The following GUCY1A2 variants were observed in gnomAD, a reference collection of about 807,000 sequenced individuals.
The protein encoded by GUCY1A2 is guanylate cyclase soluble subunit alpha-2.
In GUCY1A2, 27 loss-of-function variants were observed where a neutral mutation model predicts 63.5. The observed-to-expected ratio is 0.43, with a 90% CI of 0.31 to 0.59. GUCY1A2 has a LOEUF of 0.59. Among genes scored for constraint, GUCY1A2 ranks in the 20% least tolerant of loss-of-function variants. The probability of loss-of-function intolerance (pLI) is 0.11; values close to 1 mark genes in which losing one functional copy is unlikely to be tolerated. For missense variants in GUCY1A2, 768 were observed against 913.3 expected (o/e 0.84, Z 2.05); for synonymous variants, 364 against 343.5 (o/e 1.06, Z -0.66).
At chr11:106,993,670 G>GA (rs908700022) in intron 1 of GUCY1A2, among the ~76,000 whole-genome samples, 48 of 151,508 alleles carry the variant, frequency 3.2e-4, no homozygotes, top group African/African-American at 1.0e-3. Context: ...GTCCTCGGGG[G>GA]AAAAAAAAGC....
intron 4 of GUCY1A2, among the ~76,000 whole-genome samples, chr11:106,905,968 A>G (rs570402281): frequency 3.9e-5 from 6 of 152,260 alleles, no homozygotes; most frequent in African/African-American, 1.4e-4. Context: ...ACTTAAACGT[A>G]AGACCTAAAA....
chr11:106,901,516 T>G (rs760202458), intron 4 of GUCY1A2, among the ~76,000 whole-genome samples: 1 of 152,228 alleles, frequency 6.6e-6, no homozygotes, highest in Non-Finnish European at 1.5e-5. Context: ...AATTATACTT[T>G]AAGTTCTAGT....
chr11:106,828,944 C>T (rs1042871710), intron 4 of GUCY1A2, among the ~76,000 whole-genome samples: 3 of 152,164 alleles, frequency 2.0e-5, no homozygotes, highest in Admixed American at 6.5e-5. Context: ...CTCCAACATT[C>T]GTGAAAACAT....
At chr11:106,911,993 T>G (rs1237723405) in intron 4 of GUCY1A2, among the ~76,000 whole-genome samples, 1 of 152,078 alleles carries the variant, frequency 6.6e-6, no homozygotes, top group Non-Finnish European at 1.5e-5. Context: ...ATATGTTTAT[T>G]GCTAATAATT....
At chr11:106,934,685 A>G (rs1442130392) in intron 4 of GUCY1A2, among the ~76,000 whole-genome samples, 2 of 152,224 alleles carry the variant, frequency 1.3e-5, no homozygotes, top group South Asian at 2.1e-4. Flanking sequence ...GAATTAAAAA[A>G]GAAATGTGTT....
chr11:106,810,535 T>C, intron 4 of GUCY1A2, 57 bp from the exon 5 acceptor site: 1 of 1,393,162 alleles, frequency 7.2e-7, no homozygotes, highest in Non-Finnish European at 9.8e-7. Flanking sequence ...GTTCACAAAA[T>C]TTAATATATT....
chr11:107,012,472 A>C lies in GUCY1A2; in HGVS notation c.303+5281T>G, dbSNP rs184708826. ...TTAAGAAGAATATTCCTCCTTATAC[A>C]CAACAAACCTACAAGGTAGTTGTTA... On this transcript the variant is annotated intron_variant, in intron 1 of 7. Transcript: ENST00000526355. 3.7e-3 allele frequency among the ~76,000 whole-genome samples: 566 copies of C among 152,288 alleles called. 6 individuals are homozygous for C. Among genetic ancestry groups the C allele is most frequent in the African/African-American group, 0.012 (518 of 41,560 alleles).
At chr11:106,710,805 G>C (rs1361205547) in intron 6 of GUCY1A2, among the ~76,000 whole-genome samples, 3 of 151,978 alleles carry the variant, frequency 2.0e-5, no homozygotes, top group African/African-American at 7.3e-5. Flanking sequence ...GGAATGTAGA[G>C]TGTTCCTTGG....
chr11:106,886,852 GCTTT>G (rs1196954481), intron 4 of GUCY1A2, among the ~76,000 whole-genome samples: 1 of 152,014 alleles, frequency 6.6e-6, no homozygotes, highest in Non-Finnish European at 1.5e-5. Flanking sequence ...TCCTCCAATG[GCTTT>G]CTATTTCCTT....
chr11:106,764,220 T>C (rs1303022515), intron 6 of GUCY1A2, among the ~76,000 whole-genome samples: 1 of 152,100 alleles, frequency 6.6e-6, no homozygotes, highest in Non-Finnish European at 1.5e-5. Flanking sequence ...CTTCAAGACA[T>C]TGCACTGCTA....
chr11:106,827,250 A>G, intron 4 of GUCY1A2: 1 of 1,548,778 alleles, frequency 6.5e-7, no homozygotes, highest in Non-Finnish European at 8.9e-7. Flanking sequence ...TCCTTCCTTC[A>G]GTTGTATATC....
chr11:106,943,241 A>G (rs998027144), intron 3 of GUCY1A2, among the ~76,000 whole-genome samples: 3 of 152,198 alleles, frequency 2.0e-5, no homozygotes, highest in African/African-American at 7.2e-5. Context: ...TCTGACTCCC[A>G]AAGTTCCGCC....
chr11:107,008,635 T>C (rs1861704250), intron 1 of GUCY1A2, among the ~76,000 whole-genome samples: 1 of 152,164 alleles, frequency 6.6e-6, no homozygotes, highest in Non-Finnish European at 1.5e-5. Flanking sequence ...GGCATGCGCA[T>C]ACATAGATAA....
intron 4 of GUCY1A2, among the ~76,000 whole-genome samples, chr11:106,832,145 T>A (rs1292355117): frequency 1.3e-5 from 2 of 152,334 alleles, no homozygotes; most frequent in East Asian, 3.9e-4. Context: ...ACATTAATCA[T>A]TATGAATTAT....
At chr11:107,006,903 G>C (rs1861678642) in intron 1 of GUCY1A2, among the ~76,000 whole-genome samples, 5 of 152,136 alleles carry the variant, frequency 3.3e-5, no homozygotes, top group Admixed American at 2.6e-4. Flanking sequence ...TTACAAATCA[G>C]TACTGCATAT....
chr11:106,988,987 G>T (rs1212126108), intron 1 of GUCY1A2, among the ~76,000 whole-genome samples: 1 of 152,174 alleles, frequency 6.6e-6, no homozygotes, highest in East Asian at 1.9e-4. Flanking sequence ...TCTGCCTCTG[G>T]GGTGGTAGGG....
chr11:106,778,338 A>G (rs1864396771), intron 5 of GUCY1A2, among the ~76,000 whole-genome samples: 1 of 152,218 alleles, frequency 6.6e-6, no homozygotes, highest in Admixed American at 6.5e-5. Flanking sequence ...CAGCACTTCC[A>G]CATCTTTCTG....
intron 4 of GUCY1A2, among the ~76,000 whole-genome samples, chr11:106,820,280 T>A (rs144383659): frequency 0.023 from 3,558 of 152,332 alleles, 63 homozygotes; most frequent in Admixed American, 0.035. Flanking sequence ...AATATTTACT[T>A]AATATCTAAA....
At chr11:106,953,692 A>G (rs371272787) in intron 3 of GUCY1A2, among the ~76,000 whole-genome samples, 29 of 152,086 alleles carry the variant, frequency 1.9e-4, no homozygotes, top group East Asian at 7.7e-4. Flanking sequence ...TACTGCCTCA[A>G]TTTTAGAGCT....
Sources: allele counts gnomAD v4.1 joint callset (sites outside exome capture counted in the v4.1 genomes callset), GRCh38; gene constraint gnomAD v4.1.1; transcripts MANE v1.5; gene names NCBI Gene and HGNC (gene_info 2026-07-23, HGNC 2026-07-21).